GPD2: variants seen among roughly 807,000 people sequenced by gnomAD.
GPD2 encodes glycerol-3-phosphate dehydrogenase 2, also known as glycerol-3-phosphate dehydrogenase, mitochondrial.
Under a neutral mutation model 82.4 loss-of-function variants are expected in GPD2, and 54 were observed. The observed-to-expected ratio is 0.66, with a 90% CI of 0.53 to 0.82. GPD2 has a LOEUF of 0.82. Among genes scored for constraint, GPD2 ranks in the 40% least tolerant of loss-of-function variants. The probability of loss-of-function intolerance (pLI) is 0.00; values close to 1 mark genes in which losing one functional copy is unlikely to be tolerated. For missense variants in GPD2, 748 were observed against 896.2 expected (o/e 0.83, Z 2.11); for synonymous variants, 288 against 306.1 (o/e 0.94, Z 0.62).
chr2:156,477,145 T>C (rs979579251), intron 2 of GPD2, among the ~76,000 whole-genome samples: 2 of 152,136 alleles, frequency 1.3e-5, no homozygotes, highest in African/African-American at 4.8e-5. Context: ...AAAACACATA[T>C]TATGGCCAGG....
At chr2:156,459,425 A>G (rs1711316) in intron 1 of GPD2, among the ~76,000 whole-genome samples, 5 of 151,904 alleles carry the variant, frequency 3.3e-5, no homozygotes, top group African/African-American at 4.8e-5. Context: ...GGTGGCTCAC[A>G]CCTGTAATCC....
At chr2:156,433,594 C>G (rs984285284), upstream of GPD2, among the ~76,000 whole-genome samples, 1 of 152,200 alleles carries the variant, frequency 6.6e-6, no homozygotes, top group Non-Finnish European at 1.5e-5. Context: ...TAATAAAACT[C>G]TGGTCTCCCG....
chr2:156,518,414 A>C (rs772983906), intron 6 of GPD2, among the ~76,000 whole-genome samples: 3 of 152,248 alleles, frequency 2.0e-5, no homozygotes, highest in Non-Finnish European at 4.4e-5. Flanking sequence ...AGGCTGACTT[A>C]TACAATTAAA....
intron 6 of GPD2, among the ~76,000 whole-genome samples, chr2:156,527,946 G>C (rs1000539778): frequency 1.3e-5 from 2 of 152,060 alleles, no homozygotes; most frequent in African/African-American, 2.4e-5. Context: ...CTCACAGGCA[G>C]TTCTCTCTTT....
chr2:156,435,776 T>A (rs1006068390), upstream of GPD2: 1 of 152,218 alleles, frequency 6.6e-6, no homozygotes, highest in African/African-American at 2.4e-5. Context: ...AGAAGCCAGA[T>A]CCCAGGGCGG....
At chr2:156,570,239 G>A in intron 12 of GPD2, 21 bp downstream of exon 12, 3 of 1,600,562 alleles carry the variant, frequency 1.9e-6, no homozygotes, top group Non-Finnish European at 2.6e-6. Flanking sequence ...GGTCACATAG[G>A]AATTTCATGT....
upstream of GPD2, among the ~76,000 whole-genome samples, chr2:156,434,655 C>T (rs1688373288): frequency 6.6e-6 from 1 of 152,098 alleles, no homozygotes; most frequent in African/African-American, 2.4e-5. Context: ...TTTTGCATAC[C>T]TCACATTGCT....
intron 2 of GPD2, among the ~76,000 whole-genome samples, chr2:156,479,651 G>C (rs1683649053): frequency 6.6e-6 from 1 of 152,116 alleles, no homozygotes; most frequent in African/African-American, 2.4e-5. Context: ...TTCCAACCAA[G>C]GAAGTTGATG....
rs1012660705 is a variant in GPD2 at position 156,496,367 on chromosome 2, A to C, written c.274+152A>C. 17 of 616,844 alleles carry C rather than the reference A, an allele frequency of 2.8e-5. No individual in the cohort carries two copies. The Middle Eastern group carries it at 1.3e-3, about 48-fold the overall frequency. The allele number at this position is 616,844 out of a possible 1,614,324, so 38.2% of individuals were successfully genotyped here. A position where few individuals can be genotyped will look rare whatever the true frequency, so the allele number is the denominator to read the frequency against. ...CAAGCTCAGCATGCATTAGCTATTTATCCTGATGCTCTCCCTCCCCCTGCC... is the reference window on the plus strand; with the variant it reads ...CAAGCTCAGCATGCATTAGCTATTTCTCCTGATGCTCTCCCTCCCCCTGCC... On this transcript the variant is annotated intron_variant, in intron 3 of 16. Coordinates refer to ENST00000438166, the MANE Select transcript of GPD2 (RefSeq NM_000408.5).
intron 3 of GPD2, among the ~76,000 whole-genome samples, chr2:156,499,441 G>A (rs556492288): frequency 1.4e-3 from 217 of 152,166 alleles, no homozygotes; most frequent in African/African-American, 4.9e-3. Flanking sequence ...GCTGATAAGG[G>A]GTCATGAAGT....
At chr2:156,530,440 T>G (rs1356704487) in intron 6 of GPD2, among the ~76,000 whole-genome samples, 1 of 151,566 alleles carries the variant, frequency 6.6e-6, no homozygotes, top group East Asian at 1.9e-4. Context: ...CCTGTCTAAT[T>G]GCCCTGGCCA....
rs116611566 is a variant in GPD2 at position 156,438,037 on chromosome 2, T to G, written c.-9+1524T>G. Among the ~76,000 whole-genome samples the G allele has an allele frequency of 6.6e-3, 1,005 of 152,286 alleles. 9 individuals are homozygous for G. The highest frequency in any genetic ancestry group is 0.022 in the African/African-American group (898 of 41,550). ...AGGGCTTGTTCTGTCTTGCATACTT[T>G]CAAAACTCTAATGCCTGGAGTGGTG... On this transcript the variant is annotated intron_variant, in intron 1 of 16. Coordinates refer to ENST00000438166, the MANE Select transcript of GPD2 (RefSeq NM_000408.5).
At chr2:156,491,450 CT>C (rs1340847983) in intron 2 of GPD2, among the ~76,000 whole-genome samples, 2 of 152,206 alleles carry the variant, frequency 1.3e-5, no homozygotes, top group African/African-American at 4.8e-5. Context: ...TTGCTGACCC[CT>C]GATTTAGCAT....
chr2:156,468,912 C>G (rs1318437365), intron 1 of GPD2, among the ~76,000 whole-genome samples: 2 of 152,050 alleles, frequency 1.3e-5, no homozygotes, highest in Non-Finnish European at 2.9e-5. Flanking sequence ...TATCAACTTC[C>G]AGATCTTATT....
At chr2:156,442,257 G>A (rs908886625) in intron 1 of GPD2, among the ~76,000 whole-genome samples, 1 of 152,160 alleles carries the variant, frequency 6.6e-6, no homozygotes, top group Non-Finnish European at 1.5e-5. Context: ...ATTACTTGGT[G>A]ACAATGGGGT....
intron 2 of GPD2, among the ~76,000 whole-genome samples, chr2:156,481,387 A>G (rs1217407476): frequency 6.6e-6 from 1 of 152,112 alleles, no homozygotes; most frequent in East Asian, 1.9e-4. Flanking sequence ...ATATAGTGTT[A>G]CAAAGCCCTA....
chr2:156,466,864 A>C (rs1314762677), intron 1 of GPD2, among the ~76,000 whole-genome samples: 1 of 152,128 alleles, frequency 6.6e-6, no homozygotes, highest in African/African-American at 2.4e-5. Context: ...TCTGCCCCTG[A>C]AACTAGCTCA....
chr2:156,490,886 A>C (rs911379316), intron 2 of GPD2, among the ~76,000 whole-genome samples: 1 of 152,232 alleles, frequency 6.6e-6, no homozygotes, highest in Non-Finnish European at 1.5e-5. Context: ...ATTTTTTGTT[A>C]AGTCAAGTGT....
chr2:156,401,155 C>G, the GPD2 span, among the ~76,000 whole-genome samples: 2 of 152,104 alleles, frequency 1.3e-5, no homozygotes, highest in Non-Finnish European at 1.5e-5. Flanking sequence ...CTTGCATTGG[C>G]CGGGAATCGA....
Sources: allele counts gnomAD v4.1 joint callset (sites outside exome capture counted in the v4.1 genomes callset), GRCh38; gene constraint gnomAD v4.1.1; transcripts MANE v1.5; gene names NCBI Gene and HGNC (gene_info 2026-07-23, HGNC 2026-07-21).